The following DIDO1 variants were observed in gnomAD, a reference collection of about 807,000 sequenced individuals.
The protein encoded by DIDO1 is death inducer-obliterator 1, also known as death-inducer obliterator 1.
DIDO1 carries 16 observed loss-of-function variants against 99.4 expected under a neutral mutation model. The observed-to-expected ratio is 0.16, with a 90% CI of 0.11 to 0.24. DIDO1 has a LOEUF of 0.24. Ranked by LOEUF, DIDO1 falls within the 10% of genes least tolerant of loss-of-function variation. The pLI is 1.00. For missense variants in DIDO1, 2,996 were observed against 3,014.0 expected (o/e 0.99, Z 0.14); for synonymous variants, 1,366 against 1,239.1 (o/e 1.10, Z -2.15).
intron 1 of DIDO1, among the ~76,000 whole-genome samples, chr20:62,922,168 G>C (rs2066762141): frequency 1.4e-5 from 2 of 145,062 alleles, no homozygotes; most frequent in Admixed American, 1.4e-4. Flanking sequence ...ACAATGCCCG[G>C]CTCTTTTATA....
In DIDO1 at chr20:62,881,429, G is replaced by C. The variant is rs1027153267; in HGVS notation, c.4527C>G (p.Val1509=). The change falls in exon 16 of 16, where the codon GTC becomes GTG. Residue 1509 remains valine (V), a synonymous_variant. Coordinates refer to ENST00000395343, the MANE Select transcript of DIDO1 (RefSeq NM_001193369.2). This position sits in a 1 kb window ranked among gnomAD's most constrained non-coding sequence, Gnocchi z 8.3. ...CCGACACCGAGAAGTGGGCCATGGA[G>C]ACCCCGACGGCGGCCCTCTGCTGCC... The part of the protein sequence containing the change: ...ALRQQRAAVG[V]SMAHFSVSDA... 2.5e-6 allele frequency: 4 copies of C among 1,608,480 alleles called. No homozygotes were observed. In the Admixed American group the frequency reaches 6.7e-5, roughly 27 times the overall value.
rs753883510 is a variant in DIDO1 at position 62,894,566 on chromosome 20, A to G, written c.2437-18T>C. 4 of 1,602,884 alleles carry G rather than the reference A, an allele frequency of 2.5e-6. No individual in the cohort carries two copies. Among genetic ancestry groups the G allele is most frequent in the Non-Finnish European group, 3.4e-6 (4 of 1,176,532 alleles). ...TGCTGTTCCTAAAAAAGAAAAAGAA[A>G]AAAAAGTGAGGTCGTTTCTTCTCCA... On this transcript the variant is annotated intron_variant, in intron 10 of 15. Coordinates refer to ENST00000395343, the MANE Select transcript of DIDO1 (RefSeq NM_001193369.2). The surrounding 1 kb of genome is among the most constrained non-coding windows in gnomAD (Gnocchi z 4.4).
At chr20:62,890,587 G>A in intron 15 of DIDO1, 1 of 1,078,282 alleles carries the variant, frequency 9.3e-7, no homozygotes, top group Non-Finnish European at 1.1e-6. Flanking sequence ...TTCCCGGTGT[G>A]TGCTGGCTCC....
chr20:62,929,692 A>AATATATATAT, upstream of DIDO1, among the ~76,000 whole-genome samples: 1 of 63,708 alleles, frequency 1.6e-5, no homozygotes, highest in South Asian at 5.6e-4. Context: ...AAAAAGAAAA[A>AATATATATAT]GTGTATATAT....
chr20:62,911,695 G>A lies in DIDO1; in HGVS notation c.-2-81C>T, dbSNP rs899151471. ...ATTGCCGCCAAACACGCGCAGCAGG[G>A]GCCACCTCCCTACAAACAGTGGAGC... On this transcript the variant is annotated intron_variant, in intron 2 of 15. Transcript: ENST00000395343. This position sits in a 1 kb window ranked among gnomAD's most constrained non-coding sequence, Gnocchi z 7.0. The A allele has an allele frequency of 2.1e-5, 27 of 1,285,620 alleles. No individual in the cohort carries two copies. In the African/African-American group the frequency reaches 3.9e-4, roughly 19 times the overall value. The allele number at this position is 1,285,620 out of a possible 1,614,324, so 79.6% of individuals were successfully genotyped here.
rs750597171 is a variant in DIDO1 at position 62,879,575 on chromosome 20, C to T, written c.6381G>A (p.Arg2127=). The T allele has an allele frequency of 6.2e-7, 1 of 1,602,268 alleles. No individual in the cohort carries two copies. The highest frequency in any genetic ancestry group is 2.2e-5 in the East Asian group (1 of 44,854). ...RERGRNWSRE[R]DWDRPREWDR... ...CCCACTCCCGGGGCCGGTCCCAGTC[C>T]CGCTCTCGGCTCCAGTTTCGGCCGC... The change falls in exon 16 of 16, where the codon CGG becomes CGA. Residue 2127 remains arginine (R), a synonymous_variant. Coordinates refer to ENST00000395343, the MANE Select transcript of DIDO1 (RefSeq NM_001193369.2). The surrounding 1 kb of genome is among the most constrained non-coding windows in gnomAD (Gnocchi z 6.3).
chr20:62,883,940 AG>A (rs1474795607), intron 15 of DIDO1, among the ~76,000 whole-genome samples: 1 of 152,226 alleles, frequency 6.6e-6, no homozygotes, highest in Non-Finnish European at 1.5e-5. Context: ...TGGGAGGCAG[AG>A]GTTGCAGTGA....
Position 62,933,220 on chromosome 20 carries a change from A to C in DIDO1, c.-200+4576T>G, listed in dbSNP as rs557896782. Among the ~76,000 whole-genome samples, 120 of 152,274 alleles carry C rather than the reference A, an allele frequency of 7.9e-4. 1 individual carries two copies. The highest frequency in any genetic ancestry group is 3.4e-3 in the Middle Eastern group (1 of 294). On this transcript the variant is annotated intron_variant, in intron 1 of 15. Coordinates refer to the DIDO1 transcript ENST00000266070. ...GAGTGAAATTCTGTCTCAAACAAAAAAACAACAACAAAAGAATATGTGCAG... is the reference window on the plus strand; with the variant it reads ...GAGTGAAATTCTGTCTCAAACAAAACAACAACAACAAAAGAATATGTGCAG...
intron 1 of DIDO1, among the ~76,000 whole-genome samples, chr20:62,921,977 A>G (rs2065149312): frequency 6.6e-6 from 1 of 150,422 alleles, no homozygotes; most frequent in Non-Finnish European, 1.5e-5. Context: ...TACACACTAT[A>G]CATATGTCCA....
chr20:62,929,237 C>T (rs950434124), upstream of DIDO1: 4 of 152,118 alleles, frequency 2.6e-5, no homozygotes, highest in African/African-American at 9.7e-5. Flanking sequence ...TTCTTCTCAC[C>T]TGGGATTCAG....
In DIDO1 at chr20:62,932,027, C is replaced by T. The variant is rs2065336897; in HGVS notation, c.-200+5769G>A. 2.0e-5 allele frequency among the ~76,000 whole-genome samples: 3 copies of T among 152,320 alleles called. No individual in the cohort carries two copies. In the South Asian group the frequency reaches 6.2e-4, roughly 32 times the overall value. ...TGAGGTATTAGCAGTTTCCAAAAGA[C>T]ACCCAAATGGGAACTGGAGGTTTTT... On this transcript the variant is annotated intron_variant, in intron 1 of 15. Coordinates refer to the DIDO1 transcript ENST00000266070.
rs897503211 is a variant in DIDO1 at position 62,880,647 on chromosome 20, T to C, written c.5309A>G (p.Asn1770Ser). Residue 1770 changes from asparagine to serine, a missense_variant, in exon 16 of 16, where the codon AAT becomes AGT. By Grantham distance (46) the Asn-to-Ser change is conservative (BLOSUM62 1). This residue lies in a region of DIDO1 where 1,562 missense variants were observed against 1,412.6 expected (regional missense o/e 1.11). Transcript: ENST00000395343. ...ALGMSGLHGP[N>S]FPGPRGPAPP... ...GGCTGGCCCCCTTGGTCCCGGGAAATTGGGGCCGTGAAGCCCTGACATCCC... is the reference window on the plus strand; with the variant it reads ...GGCTGGCCCCCTTGGTCCCGGGAAACTGGGGCCGTGAAGCCCTGACATCCC... 1.9e-6 allele frequency: 3 copies of C among 1,612,696 alleles called. No individual in the cohort carries two copies. Among genetic ancestry groups the C allele is most frequent in the African/African-American group, 1.3e-5 (1 of 74,920 alleles).
At position 62,893,901 on chromosome 20, in the gene DIDO1, C is replaced by T. The variant is rs143952489; in HGVS notation, c.2866G>A (p.Gly956Arg). ...LSPCPASCGS[G>R]VVTTVTVSGR... The stretch of plus-strand genomic sequence containing the variant: ...GACACTGTGACGGTGGTGACCACCC[C>T]GCTCCCACAGGAGGCTGGGCAGGGG... Residue 956 changes from glycine to arginine, a missense_variant, in exon 12 of 16, where the codon GGG (glycine) becomes AGG (arginine). This residue lies in a region of DIDO1 where 898 missense variants were observed against 972.7 expected (regional missense o/e 0.92). Transcript: ENST00000395343. The T allele has an allele frequency of 8.0e-4, 1,289 of 1,611,106 alleles. 3 individuals are homozygous for T. The highest frequency in any genetic ancestry group is 8.6e-4 in the Non-Finnish European group (1,010 of 1,177,750).
chr20:62,929,765 T>G (rs1263707916), upstream of DIDO1, among the ~76,000 whole-genome samples: 4 of 144,850 alleles, frequency 2.8e-5, no homozygotes, highest in Non-Finnish European at 6.0e-5. Context: ...TTTGTTTTTT[T>G]TTTTTGAGAA....
intron 15 of DIDO1, among the ~76,000 whole-genome samples, chr20:62,885,694 A>G (rs1236315795): frequency 1.3e-5 from 2 of 152,236 alleles, no homozygotes; most frequent in Non-Finnish European, 2.9e-5. Flanking sequence ...GGGCTGTCCA[A>G]AAAGGCACAC....
At chr20:62,902,711 G>A (rs189173779) in intron 6 of DIDO1, among the ~76,000 whole-genome samples, 1 of 152,182 alleles carries the variant, frequency 6.6e-6, no homozygotes, top group African/African-American at 2.4e-5. Context: ...GCAGCACGTG[G>A]GAACAAGAGG....
Position 62,882,283 on chromosome 20 carries a change from CGTCCGCTTCTTCCGGTTGAAGTCGG to C in DIDO1, c.3648_3672del (p.Arg1217PhefsTer7). On this transcript the variant is annotated frameshift_variant, in exon 16 of 16. Coordinates refer to ENST00000395343, the MANE Select transcript of DIDO1 (RefSeq NM_001193369.2). LOFTEE classifies it low-confidence loss of function (END_TRUNC). ...GTGGCTACTTTTGGATAGGCCGGAACGTCCGCTTCTTCCGGTTGAAGTCGGGTCCGCTTTTCGTCCATCTTGTCTA... is the reference window on the plus strand; with the variant it reads ...GTGGCTACTTTTGGATAGGCCGGAACGTCCGCTTTTCGTCCATCTTGTCTA... 1 of 1,614,020 alleles carries C rather than the reference CGTCCGCTTCTTCCGGTTGAAGTCGG, an allele frequency of 6.2e-7. No individual in the cohort carries two copies. Among genetic ancestry groups the C allele is most frequent in the Non-Finnish European group, 8.5e-7 (1 of 1,180,028 alleles).
rs73918869 is a variant in DIDO1 at position 62,922,711 on chromosome 20, G to C, written c.-200+3728C>G. On this transcript the variant is annotated intron_variant, in intron 1 of 15. Coordinates refer to ENST00000395343, the MANE Select transcript of DIDO1 (RefSeq NM_001193369.2). ...GCAACAGACGGTAGGTGCCACCTAA[G>C]AAAGTGACACAGCCTGTGCTGGCGA... is the stretch of plus-strand genomic sequence containing the variant. 2.7e-3 allele frequency among the ~76,000 whole-genome samples: 410 copies of C among 152,338 alleles called. 1 individual carries two copies. Among genetic ancestry groups the C allele is most frequent in the African/African-American group, 9.4e-3 (391 of 41,574 alleles).
rs763597064 is a variant in DIDO1 at position 62,911,335 on chromosome 20, A to G, written c.278T>C (p.Leu93Pro). The G allele has an allele frequency of 6.2e-7, 1 of 1,608,474 alleles. No individual in the cohort carries two copies. Among genetic ancestry groups the G allele is most frequent in the East Asian group, 2.2e-5 (1 of 44,854 alleles). The change falls in exon 3 of 16, where the codon CTG (leucine) becomes CCG (proline). Residue 93 changes from leucine (L) to proline (P), a missense_variant. Physicochemically the swap from Leu to Pro is moderately conservative, Grantham distance 98. Transcript: ENST00000395343. The surrounding 1 kb of genome is among the most constrained non-coding windows in gnomAD (Gnocchi z 7.0). Reference protein sequence around the residue: ...RRGRRSMPVSLEDSGEPTSCP... With the variant: ...RRGRRSMPVSPEDSGEPTSCP... The stretch of plus-strand genomic sequence containing the variant: ...GGACGTGGGCTCACCAGAATCCTCC[A>G]GGGAGACAGGCATGCTCCTCCTGCC...
Sources: gnomAD v4.1 joint callset for allele counts (sites outside exome capture counted in the v4.1 genomes callset) on GRCh38, gnomAD v4.1.1 for gene constraint, gnomAD v4.1.1 regional missense constraint, Gnocchi (gnomAD v3.1) non-coding constraint, MANE v1.5 for transcripts, NCBI Gene and HGNC (gene_info 2026-07-23, HGNC 2026-07-21) for gene names.